CCSER1: variants seen among roughly 807,000 people sequenced by gnomAD.
The protein encoded by CCSER1 is serine-rich coiled-coil domain-containing protein 1.
CCSER1 carries 41 observed loss-of-function variants against 82.0 expected under a neutral mutation model. That is an observed-to-expected ratio of 0.50 (90% CI 0.39 to 0.65). The LOEUF is 0.65. CCSER1 is among the 30% of genes least tolerant of loss of function. The pLI is 0.00. For missense variants in CCSER1, 1,119 were observed against 1,064.2 expected, an observed-to-expected ratio of 1.05 and a Z score of -0.72; for synonymous variants, 414 against 383.9, an observed-to-expected ratio of 1.08 and a Z score of -0.92.
rs571700885 is a variant in CCSER1, at chr4:90,709,864, T to A, written c.1933-14050T>A. Among the ~76,000 whole-genome samples the A allele has an allele frequency of 6.7e-4, 102 of 152,284 alleles. 3 individuals carry two copies. The South Asian group carries it at 0.02, about 30-fold the overall frequency. On this transcript the variant is annotated intron_variant, in intron 6 of 10. Transcript: ENST00000509176. ...AGGTCTTTGAGGAATTACCACATTG[T>A]CTTCCACAATGGTAGAACTAATTTA...
chr4:91,146,144 A>G (rs957621398), intron 10 of CCSER1, among the ~76,000 whole-genome samples: 3 of 152,186 alleles, frequency 2.0e-5, no homozygotes, highest in African/African-American at 7.2e-5. Context: ...TTTTATGTTC[A>G]TCTAACTGTA....
intron 10 of CCSER1, 92 bp from the exon 11 acceptor site, chr4:91,598,480 C>A: frequency 7.6e-7 from 1 of 1,318,884 alleles, no homozygotes; most frequent in African/African-American, 1.5e-5. Context: ...TTTACGGGTT[C>A]AGACACAAAT....
chr4:90,406,184 T>C (rs193203203), intron 4 of CCSER1, among the ~76,000 whole-genome samples: 1 of 152,174 alleles, frequency 6.6e-6, no homozygotes, highest in Admixed American at 6.5e-5. Context: ...TCCATGCAAA[T>C]GGACAACAAA....
At chr4:91,296,483 A>ATATATATATATATTTTTATT (rs1175690764) in intron 10 of CCSER1, among the ~76,000 whole-genome samples, 1 of 124,068 alleles carries the variant, frequency 8.1e-6, no homozygotes, top group Non-Finnish European at 1.7e-5. Flanking sequence ...ATATATATAT[A>ATATATATATATATTTTTATT]TATTTTAATT....
At chr4:91,379,483 G>A (rs1472218804) in intron 10 of CCSER1, among the ~76,000 whole-genome samples, 1 of 152,142 alleles carries the variant, frequency 6.6e-6, no homozygotes, top group Admixed American at 6.5e-5. Context: ...ACCCTTGGGA[G>A]GGTGTATGTG....
At chr4:91,178,727 TA>T (rs1018595402) in intron 10 of CCSER1, among the ~76,000 whole-genome samples, 5 of 152,188 alleles carry the variant, frequency 3.3e-5, no homozygotes, top group African/African-American at 1.2e-4. Context: ...GTCTCCTGTA[TA>T]CAGCTCACTG....
At chr4:90,290,769 G>A (rs1455451636) in intron 1 of CCSER1, among the ~76,000 whole-genome samples, 1 of 151,854 alleles carries the variant, frequency 6.6e-6, no homozygotes, top group East Asian at 1.9e-4. Flanking sequence ...ACCTAACAGT[G>A]GATCTGTCAT....
intron 5 of CCSER1, among the ~76,000 whole-genome samples, chr4:90,581,510 GTGTT>G (rs1450214060): frequency 9.2e-5 from 14 of 152,034 alleles, no homozygotes; most frequent in Non-Finnish European, 1.8e-4. Flanking sequence ...GTATGTGTGT[GTGTT>G]TGTGTGTGTA....
chr4:90,916,573 C>T (rs544375078), intron 8 of CCSER1, among the ~76,000 whole-genome samples: 26 of 152,176 alleles, frequency 1.7e-4, no homozygotes, highest in African/African-American at 6.0e-4. Flanking sequence ...AGAAGAAAAC[C>T]TAGGCAATAC....
In CCSER1 at chr4:91,599,264, G is replaced by T; in HGVS notation, c.*207G>T. The T allele has an allele frequency of 1.8e-6, 1 of 552,410 alleles. No individual in the cohort carries two copies. Among genetic ancestry groups the T allele is most frequent in the Non-Finnish European group, 3.1e-6 (1 of 325,208 alleles). 34.2% of individuals were successfully genotyped at this position (552,410 alleles called of 1,614,324 possible). ...AGTTTGAGCATGTTAATTGAACTAGGTTGCATTGCCTTGAAGACTTTACTA... is the reference window on the plus strand; with the variant it reads ...AGTTTGAGCATGTTAATTGAACTAGTTTGCATTGCCTTGAAGACTTTACTA... On this transcript the variant is annotated 3_prime_UTR_variant, in exon 11 of 11. Transcript: ENST00000509176.
chr4:91,265,192 C>T (rs1436020445), intron 10 of CCSER1, among the ~76,000 whole-genome samples: 1 of 151,894 alleles, frequency 6.6e-6, no homozygotes, highest in African/African-American at 2.4e-5. Context: ...AATTTGATAT[C>T]AGTATTTGAA....
intron 4 of CCSER1, among the ~76,000 whole-genome samples, chr4:90,463,712 T>C (rs1763254971): frequency 6.6e-6 from 1 of 152,088 alleles, no homozygotes; most frequent in African/African-American, 2.4e-5. Flanking sequence ...TTTTGGTGAA[T>C]TGGAGTGGTG....
intron 10 of CCSER1, among the ~76,000 whole-genome samples, chr4:91,323,332 C>T (rs576061657): frequency 2.6e-5 from 4 of 152,272 alleles, no homozygotes; most frequent in Admixed American, 2.6e-4. Context: ...ATTCATAGGA[C>T]TCCTCCTTAG....
chr4:90,151,805 G>A (rs1421828367), intron 1 of CCSER1, among the ~76,000 whole-genome samples: 1 of 152,000 alleles, frequency 6.6e-6, no homozygotes, highest in African/African-American at 2.4e-5. Flanking sequence ...ATGTAAATTT[G>A]TATTTACATT....
intron 10 of CCSER1, among the ~76,000 whole-genome samples, chr4:91,093,365 G>T (rs1187304632): frequency 6.6e-6 from 1 of 152,250 alleles, no homozygotes; most frequent in Admixed American, 6.5e-5. Context: ...GTCTGATACT[G>T]GGAGTAAGGT....
At chr4:90,234,509 G>C (rs1255463873) in intron 1 of CCSER1, among the ~76,000 whole-genome samples, 1 of 152,060 alleles carries the variant, frequency 6.6e-6, no homozygotes, top group South Asian at 2.1e-4. Context: ...GAGCGACTGC[G>C]CCTGGCCCAA....
At chr4:90,251,298 TA>T (rs1415993127) in intron 1 of CCSER1, among the ~76,000 whole-genome samples, 4 of 152,018 alleles carry the variant, frequency 2.6e-5, no homozygotes, top group Non-Finnish European at 5.9e-5. Flanking sequence ...TGAACAGTCT[TA>T]TTTTTTTCTA....
At chr4:90,379,373 A>G (rs972929698) in intron 3 of CCSER1, among the ~76,000 whole-genome samples, 3 of 152,198 alleles carry the variant, frequency 2.0e-5, no homozygotes, top group African/African-American at 4.8e-5. Flanking sequence ...AGGCTGTAAT[A>G]TAGAGGTTAA....
rs570881926 is a variant in CCSER1, at chr4:90,896,889, TTAGTC to T, written c.2095-26478_2095-26474del. Among the ~76,000 whole-genome samples, 82 of 151,992 alleles carry T rather than the reference TTAGTC, an allele frequency of 5.4e-4. 2 individuals carry two copies. The South Asian group carries it at 0.017, about 32-fold the overall frequency. ...AAAAATGTTTAATGTGGTTCAAAAA[TTAGTC>T]TAAATATCTTCAAGATTTATCAAAT... On this transcript the variant is annotated intron_variant, in intron 8 of 10. Coordinates refer to ENST00000509176, the MANE Select transcript of CCSER1 (RefSeq NM_001145065.2).
Sources: gnomAD v4.1 joint callset for allele counts (sites outside exome capture counted in the v4.1 genomes callset) on GRCh38, gnomAD v4.1.1 for gene constraint, MANE v1.5 for transcripts, NCBI Gene and HGNC (gene_info 2026-07-23, HGNC 2026-07-21) for gene names.